CUL1: variants seen among roughly 807,000 people sequenced by gnomAD.
CUL1 encodes the protein cullin 1.
Under a neutral mutation model 118.0 loss-of-function variants are expected in CUL1, and 24 were observed. The ratio of observed to expected loss-of-function variants is 0.20; its 90% CI spans 0.15 to 0.29. The LOEUF (loss-of-function observed/expected upper bound fraction) is 0.29. CUL1 is among the 10% of genes least tolerant of loss of function. CUL1 has a pLI of 1.00. For synonymous variants in CUL1, 332 were observed against 340.4 expected (o/e 0.98, Z 0.27); for missense variants, 361 against 933.8 (o/e 0.39, Z 7.99).
At chr7:148,722,605 A>G (rs879432845) in intron 1 of CUL1, among the ~76,000 whole-genome samples, 1 of 152,216 alleles carries the variant, frequency 6.6e-6, no homozygotes, top group African/African-American at 2.4e-5. Context: ...TCTCTGCACT[A>G]GCCATTTCTA....
At chr7:148,761,037 G>A (rs1192838806) in intron 7 of CUL1, among the ~76,000 whole-genome samples, 2 of 152,144 alleles carry the variant, frequency 1.3e-5, no homozygotes, top group Admixed American at 6.5e-5. Context: ...TATTTTTGTA[G>A]AGATAGGGTC....
intron 11 of CUL1, 123 bp from the exon 12 acceptor site, chr7:148,786,428 T>A: frequency 1.4e-6 from 1 of 722,978 alleles, no homozygotes; most frequent in Admixed American, 2.6e-5. Context: ...CAACCTTCCC[T>A]CTTCCTCTGC....
intron 9 of CUL1, among the ~76,000 whole-genome samples, chr7:148,776,142 G>A (rs570850737): frequency 4.1e-5 from 6 of 147,884 alleles, no homozygotes; most frequent in East Asian, 4.0e-4. Context: ...CACCTCTACC[G>A]AGTGTTACTT....
At chr7:148,721,949 CTG>C (rs1188424660) in intron 1 of CUL1, among the ~76,000 whole-genome samples, 1 of 152,152 alleles carries the variant, frequency 6.6e-6, no homozygotes, top group African/African-American at 2.4e-5. Context: ...ACAAGAGTTT[CTG>C]TAAGTCTAAA....
At chr7:148,786,879 C>G in intron 12 of CUL1, 110 bp from the exon 13 acceptor site, 2 of 1,451,376 alleles carry the variant, frequency 1.4e-6, no homozygotes, top group Non-Finnish European at 9.3e-7. Context: ...CAGACCTGCC[C>G]AAAGCCAAAG....
In CUL1 at chr7:148,787,114, G is replaced by A. The variant is rs2129462892; in HGVS notation, c.1473G>A (p.Lys491=). Residue 491 remains lysine, a synonymous_variant, in exon 13 of 22, where the codon AAG becomes AAA. Coordinates refer to ENST00000325222, the MANE Select transcript of CUL1 (RefSeq NM_003592.3). The surrounding 1 kb of genome is among the most constrained non-coding windows in gnomAD (Gnocchi z 5.5). ...SDDAEASMIS[K]LKQACGFEYT... is the part of the protein sequence containing the mutation. ...ATGCCGAAGCCAGCATGATCTCCAA[G>A]TTAAAGGTGAGTTTCATCTTTTCCT... The A allele has an allele frequency of 6.2e-7, 1 of 1,613,450 alleles. No individual in the cohort carries two copies.
upstream of CUL1, chr7:148,697,922 A>G (rs1585513226): frequency 6.6e-6 from 1 of 152,262 alleles, no homozygotes; most frequent in African/African-American, 2.4e-5. Flanking sequence ...ATACTATTTT[A>G]TATCACGACT....
chr7:148,785,681 C>T (rs918961671), intron 11 of CUL1, among the ~76,000 whole-genome samples: 10 of 151,772 alleles, frequency 6.6e-5, no homozygotes, highest in African/African-American at 2.2e-4. Flanking sequence ...CCTTTTTATC[C>T]TTTGTCTTTT....
At chr7:148,799,226 C>A (rs1010297207) in intron 20 of CUL1, 49 bp from the exon 21 acceptor site, 1 of 1,420,656 alleles carries the variant, frequency 7.0e-7, no homozygotes, top group South Asian at 1.2e-5. Context: ...ATCAATACAA[C>A]GTTGTTACAG....
intron 1 of CUL1, among the ~76,000 whole-genome samples, chr7:148,712,953 C>A (rs934111230): frequency 5.3e-5 from 8 of 151,860 alleles, no homozygotes; most frequent in Non-Finnish European, 1.0e-4. Context: ...ACAGACATAA[C>A]TGGGAAAAAA....
intron 1 of CUL1, among the ~76,000 whole-genome samples, chr7:148,721,754 C>G (rs2129459319): frequency 6.6e-6 from 1 of 151,852 alleles, no homozygotes; most frequent in East Asian, 1.9e-4. Flanking sequence ...TCCAGGAATT[C>G]ACTTGTGTTG....
chr7:148,725,212 C>CGT (rs1491297685), intron 1 of CUL1, among the ~76,000 whole-genome samples: 1,614 of 128,002 alleles, frequency 0.013, 33 homozygotes, highest in African/African-American at 0.059. Flanking sequence ...CACACACACA[C>CGT]GCGCGCGCTC....
Position 148,730,045 on chromosome 7 carries a change from A to G in CUL1, c.-78A>G, listed in dbSNP as rs1345360701. 1.3e-6 allele frequency: 2 copies of G among 1,499,358 alleles called. No homozygotes were observed. The highest frequency in any genetic ancestry group is 2.3e-5 in the East Asian group (1 of 43,816). 92.9% of individuals were successfully genotyped at this position (1,499,358 alleles called of 1,614,324 possible). A position where few individuals can be genotyped will look rare whatever the true frequency, so the allele number is the denominator to read the frequency against. ...GTGAATAAATTTGGAATGGTACTGT[A>G]TATTTTCATCTAATGGAGAACTAGC... On this transcript the variant is annotated 5_prime_UTR_variant, in exon 2 of 22. Transcript: ENST00000325222.
chr7:148,700,835 A>G (rs538767243), intron 1 of CUL1, among the ~76,000 whole-genome samples: 28 of 152,314 alleles, frequency 1.8e-4, no homozygotes, highest in African/African-American at 6.3e-4. Flanking sequence ...ACCAATTTAT[A>G]AAAGCCTCCC....
chr7:148,790,983 T>C (rs1372109228), intron 16 of CUL1, among the ~76,000 whole-genome samples: 1 of 152,174 alleles, frequency 6.6e-6, no homozygotes, highest in Non-Finnish European at 1.5e-5. Context: ...AATCCTAGCT[T>C]ATATGTAGCT....
intron 17 of CUL1, among the ~76,000 whole-genome samples, chr7:148,793,766 TACCTAG>T (rs1801095551): frequency 6.6e-6 from 1 of 152,254 alleles, no homozygotes; most frequent in African/African-American, 2.4e-5. Context: ...CCTGGGTATA[TACCTAG>T]GTATAGAATT....
chr7:148,794,004 T>C (rs770547072), intron 17 of CUL1, among the ~76,000 whole-genome samples: 13 of 152,232 alleles, frequency 8.5e-5, no homozygotes, highest in Non-Finnish European at 1.8e-4. Context: ...ACTAATGATG[T>C]GTAGAATCTT....
intron 1 of CUL1, among the ~76,000 whole-genome samples, chr7:148,728,073 A>G (rs1472447515): frequency 6.6e-6 from 1 of 152,086 alleles, no homozygotes; most frequent in African/African-American, 2.4e-5. Context: ...GATGGCGAGG[A>G]TGATTACTAG....
At chr7:148,783,419 C>A (rs1441483169) in intron 9 of CUL1, 4 of 985,348 alleles carry the variant, frequency 4.1e-6, no homozygotes, top group Non-Finnish European at 4.8e-6. Flanking sequence ...AACGCCTTCT[C>A]CAGCTGAAAC....
Sources: gnomAD v4.1 joint callset for allele counts (sites outside exome capture counted in the v4.1 genomes callset) on GRCh38, gnomAD v4.1.1 for gene constraint, Gnocchi (gnomAD v3.1) non-coding constraint, MANE v1.5 for transcripts, NCBI Gene and HGNC (gene_info 2026-07-23, HGNC 2026-07-21) for gene names.